Variants in TBC1D5 observed in about 807,000 individuals in gnomAD.
TBC1D5 encodes the protein TBC1 domain family member 5.
TBC1D5 carries 75 observed loss-of-function variants against 100.3 expected under a neutral mutation model. That is an observed-to-expected ratio of 0.75 (90% confidence interval 0.62 to 0.91). The LOEUF (loss-of-function observed/expected upper bound fraction) is 0.91. TBC1D5 is among the 40% of genes least tolerant of loss of function. TBC1D5 has a pLI of 0.00. For synonymous variants in TBC1D5, 323 were observed against 325.6 expected, an observed-to-expected ratio of 0.99 and a Z score of 0.09; for missense variants, 910 against 942.4, an observed-to-expected ratio of 0.97 and a Z score of 0.45.
At chr3:17,208,909 A>G (rs982006020) in intron 18 of TBC1D5, among the ~76,000 whole-genome samples, 1 of 152,184 alleles carries the variant, frequency 6.6e-6, no homozygotes, top group Non-Finnish European at 1.5e-5. Flanking sequence ...ATGCCAATAC[A>G]TTCTACTTTG....
intron 2 of TBC1D5, among the ~76,000 whole-genome samples, chr3:17,534,207 G>T (rs753367627): frequency 2.6e-5 from 4 of 152,036 alleles, no homozygotes; most frequent in Admixed American, 6.6e-5. Flanking sequence ...CATCTTTCAG[G>T]ATGCAGAAGC....
intron 1 of TBC1D5, among the ~76,000 whole-genome samples, chr3:17,653,817 A>T (rs1264839505): frequency 6.6e-6 from 1 of 152,134 alleles, no homozygotes; most frequent in Non-Finnish European, 1.5e-5. Flanking sequence ...AAGAAAAAGG[A>T]AAGTAAGAAG....
intron 2 of TBC1D5, among the ~76,000 whole-genome samples, chr3:17,617,889 GC>G (rs2062315469): frequency 6.6e-6 from 1 of 152,166 alleles, no homozygotes; most frequent in African/African-American, 2.4e-5. Flanking sequence ...ACCTTCTGAA[GC>G]CTACTTCTGT....
intron 2 of TBC1D5, among the ~76,000 whole-genome samples, chr3:17,613,290 G>C (rs1345133901): frequency 6.6e-6 from 1 of 152,162 alleles, no homozygotes; most frequent in African/African-American, 2.4e-5. Flanking sequence ...TATCATTGAT[G>C]GACATTTGGG....
chr3:17,551,430 T>G (rs2096472485), intron 2 of TBC1D5, among the ~76,000 whole-genome samples: 1 of 152,158 alleles, frequency 6.6e-6, no homozygotes, highest in South Asian at 2.1e-4. Context: ...ATCCTCATTT[T>G]CTAAATCAAT....
At chr3:17,730,372 C>G (rs1040177763) in intron 1 of TBC1D5, among the ~76,000 whole-genome samples, 1 of 152,188 alleles carries the variant, frequency 6.6e-6, no homozygotes. Flanking sequence ...CAGTTCCTAG[C>G]CTAGCCTTTA....
chr3:17,428,607 TA>T (rs1050917289), intron 3 of TBC1D5, 88 bp from the exon 4 acceptor site: 15 of 558,482 alleles, frequency 2.7e-5, no homozygotes, highest in Non-Finnish European at 4.1e-5. Context: ...CGCAATATAT[TA>T]GCCAAAAAGC....
At chr3:17,503,931 G>A (rs530573007) in intron 3 of TBC1D5, among the ~76,000 whole-genome samples, 1 of 149,454 alleles carries the variant, frequency 6.7e-6, no homozygotes, top group Non-Finnish European at 1.5e-5. Context: ...CAAATTCTGA[G>A]ATGGGTCATA....
chr3:17,681,987 T>A (rs1275273776), intron 1 of TBC1D5, among the ~76,000 whole-genome samples: 1 of 151,568 alleles, frequency 6.6e-6, no homozygotes, highest in Non-Finnish European at 1.5e-5. Flanking sequence ...TATGAGAATC[T>A]AACTAATGCT....
At chr3:17,560,453 C>T (rs1207045549) in intron 2 of TBC1D5, among the ~76,000 whole-genome samples, 1 of 151,738 alleles carries the variant, frequency 6.6e-6, no homozygotes, top group Non-Finnish European at 1.5e-5. Context: ...CACCCTGTCT[C>T]TAAAAAAATT....
At chr3:17,681,229 G>C (rs1443364806) in intron 1 of TBC1D5, among the ~76,000 whole-genome samples, 1 of 151,464 alleles carries the variant, frequency 6.6e-6, no homozygotes, top group Non-Finnish European at 1.5e-5. Context: ...AGGTATAATA[G>C]GCATTTCTGA....
chr3:17,181,986 G>A (rs753105537), intron 19 of TBC1D5, among the ~76,000 whole-genome samples: 13 of 151,918 alleles, frequency 8.6e-5, no homozygotes, highest in Non-Finnish European at 1.3e-4. Context: ...CTTTAATAAT[G>A]AGAAAGAGAA....
At chr3:17,602,244 A>G (rs2061006589) in intron 2 of TBC1D5, among the ~76,000 whole-genome samples, 2 of 152,200 alleles carry the variant, frequency 1.3e-5, no homozygotes, top group Admixed American at 1.3e-4. Context: ...CATGTGGTGA[A>G]TTAAAGTGAC....
chr3:17,605,502 G>C (rs1445295724), intron 2 of TBC1D5, among the ~76,000 whole-genome samples: 1 of 152,160 alleles, frequency 6.6e-6, no homozygotes, highest in Admixed American at 6.5e-5. Context: ...AGAACTTAAA[G>C]TGCAAATTTA....
At chr3:17,514,015 G>C (rs1487440210) in intron 2 of TBC1D5, among the ~76,000 whole-genome samples, 1 of 151,918 alleles carries the variant, frequency 6.6e-6, no homozygotes, top group African/African-American at 2.4e-5. Flanking sequence ...TAATTACAAG[G>C]GCAGAAAGGA....
At chr3:17,636,802 A>C (rs1334603152) in intron 1 of TBC1D5, among the ~76,000 whole-genome samples, 3 of 150,006 alleles carry the variant, frequency 2.0e-5, no homozygotes, top group Non-Finnish European at 4.5e-5. Context: ...CTCCGTCTCA[A>C]AAAAAAAAAG....
At position 17,485,531 on chromosome 3, in the gene TBC1D5, C is replaced by T. The variant is rs1227551515; in HGVS notation, c.97+22943G>A. ...AACAGTCCCCAGAGTGTGATGTTCC[C>T]CTTCCTGTGTCCATGTGTTCTCATT... On this transcript the variant is annotated intron_variant, in intron 3 of 21. Coordinates refer to ENST00000253692, the Ensembl canonical transcript of TBC1D5. Among the ~76,000 whole-genome samples, 4 of 142,428 alleles carry T rather than the reference C, an allele frequency of 2.8e-5. No individual in the cohort carries two copies. The East Asian group carries it at 8.7e-4, about 31-fold the overall frequency. 93.4% of individuals were successfully genotyped at this position (142,428 alleles called of 152,430 possible). A position where few individuals can be genotyped will look rare whatever the true frequency, so the allele number is the denominator to read the frequency against.
At chr3:17,723,620 G>A (rs573415323) in intron 1 of TBC1D5, among the ~76,000 whole-genome samples, 3 of 152,076 alleles carry the variant, frequency 2.0e-5, no homozygotes, top group Non-Finnish European at 4.4e-5. Flanking sequence ...GTACACTCGT[G>A]GATTTTTTCA....
chr3:17,403,246 ACT>A lies in TBC1D5; in HGVS notation c.442_443del (p.Trp150GlufsTer7). The A allele has an allele frequency of 6.3e-7, 1 of 1,584,256 alleles. No homozygotes were observed. The highest frequency in any genetic ancestry group is 8.6e-7 in the Non-Finnish European group (1 of 1,161,462). ...TATCTTGGAAGAATTTGTTCCAAAG[ACT>A]CTGAAATAAGGAAAACAATCTATTA... On this transcript the variant is annotated frameshift_variant and splice_region_variant, in exon 8 of 22. Coordinates refer to ENST00000253692, the Ensembl canonical transcript of TBC1D5. LOFTEE classifies it high-confidence loss of function.
Sources: allele counts gnomAD v4.1 joint callset (sites outside exome capture counted in the v4.1 genomes callset), GRCh38; gene constraint gnomAD v4.1.1; transcripts MANE v1.5; gene names NCBI Gene and HGNC (gene_info 2026-07-23, HGNC 2026-07-21).